The following SKAP1 variants were observed in gnomAD, a reference collection of about 807,000 sequenced individuals.
SKAP1 encodes src kinase associated phosphoprotein 1, also known as src kinase-associated phosphoprotein 1.
Under a neutral mutation model 58.5 loss-of-function variants are expected in SKAP1, and 44 were observed. The observed-to-expected ratio is 0.75, with a 90% CI of 0.59 to 0.97. The LOEUF (loss-of-function observed/expected upper bound fraction) is 0.97, where lower values mean the gene tolerates loss of function less well. Among genes scored for constraint, SKAP1 ranks in the 50% least tolerant of loss-of-function variants. The pLI is 0.00. For missense variants in SKAP1, 390 were observed against 435.2 expected (o/e 0.90, Z 0.92); for synonymous variants, 127 against 149.7 (o/e 0.85, Z 1.11).
intron 2 of SKAP1, among the ~76,000 whole-genome samples, chr17:48,389,286 G>A (rs1326865799): frequency 6.6e-6 from 1 of 152,160 alleles, no homozygotes; most frequent in East Asian, 1.9e-4. Flanking sequence ...TCTTTTATGA[G>A]CTGTTTGTTC....
chr17:48,340,137 G>A (rs2066630637), intron 4 of SKAP1, among the ~76,000 whole-genome samples: 1 of 152,090 alleles, frequency 6.6e-6, no homozygotes, highest in Non-Finnish European at 1.5e-5. Context: ...CTGAGGTCAT[G>A]CCACTGCACT....
chr17:48,158,004 C>G (rs1425725906), intron 11 of SKAP1, among the ~76,000 whole-genome samples: 8 of 150,880 alleles, frequency 5.3e-5, no homozygotes. Context: ...ATGGCAAAAC[C>G]TTGACTCTAA....
intron 1 of SKAP1, among the ~76,000 whole-genome samples, chr17:48,415,803 C>G (rs1007258075): frequency 5.9e-5 from 9 of 152,080 alleles, no homozygotes; most frequent in African/African-American, 2.2e-4. Context: ...CAGCCCTGCT[C>G]AATGGAGTCA....
the SKAP1 span, among the ~76,000 whole-genome samples, chr17:48,437,585 T>TA: frequency 2.0e-5 from 3 of 151,248 alleles, no homozygotes; most frequent in Admixed American, 6.6e-5. Context: ...TCTACAAAAA[T>TA]AAAAAAATTA....
At chr17:48,181,427 A>G (rs2064367748) in intron 8 of SKAP1, among the ~76,000 whole-genome samples, 2 of 152,186 alleles carry the variant, frequency 1.3e-5, no homozygotes, top group Admixed American at 1.3e-4. Flanking sequence ...CTCGCCATCA[A>G]TGTTCATGTT....
At chr17:48,299,568 GTA>G (rs2066031135) in intron 4 of SKAP1, among the ~76,000 whole-genome samples, 1 of 151,182 alleles carries the variant, frequency 6.6e-6, no homozygotes, top group Admixed American at 6.6e-5. Flanking sequence ...GAATATATAT[GTA>G]TGTGTGTGTG....
intron 2 of SKAP1, among the ~76,000 whole-genome samples, chr17:48,385,747 G>A (rs145373063): frequency 0.014 from 2,058 of 152,278 alleles, 21 homozygotes; most frequent in Non-Finnish European, 0.02. Flanking sequence ...AGGGTCCTGT[G>A]GGAGAACCAT....
At chr17:48,401,465 T>C (rs1374356986) in intron 1 of SKAP1, among the ~76,000 whole-genome samples, 1 of 152,020 alleles carries the variant, frequency 6.6e-6, no homozygotes. Context: ...AATCCAGAAA[T>C]AAACCCTCAC....
chr17:48,425,741 T>C (rs1265299957), intron 1 of SKAP1, among the ~76,000 whole-genome samples: 3 of 152,196 alleles, frequency 2.0e-5, no homozygotes, highest in Non-Finnish European at 4.4e-5. Context: ...CCAGAAGCAC[T>C]GGGAATGTAG....
At chr17:48,203,412 G>A (rs529698205) in intron 4 of SKAP1, among the ~76,000 whole-genome samples, 20 of 152,296 alleles carry the variant, frequency 1.3e-4, no homozygotes, top group African/African-American at 4.8e-4. Context: ...CATGCAGCTC[G>A]GTATTGCTGT....
intron 4 of SKAP1, among the ~76,000 whole-genome samples, chr17:48,236,192 C>T (rs868334832): frequency 6.6e-6 from 1 of 152,160 alleles, no homozygotes; most frequent in African/African-American, 2.4e-5. Flanking sequence ...ATTCAATAAA[C>T]ATACACTGAG....
At chr17:48,209,058 T>C (rs1365931015) in intron 4 of SKAP1, among the ~76,000 whole-genome samples, 1 of 152,134 alleles carries the variant, frequency 6.6e-6, no homozygotes, top group Non-Finnish European at 1.5e-5. Context: ...ATAAGAAAAA[T>C]GACCATTTTT....
At chr17:48,285,369 C>A (rs2065817285) in intron 4 of SKAP1, among the ~76,000 whole-genome samples, 1 of 152,156 alleles carries the variant, frequency 6.6e-6, no homozygotes, top group African/African-American at 2.4e-5. Context: ...GTAGTCCCAG[C>A]ACTTTGGGAG....
chr17:48,355,397 C>A (rs973304086), intron 3 of SKAP1, among the ~76,000 whole-genome samples: 3 of 152,166 alleles, frequency 2.0e-5, no homozygotes, highest in Non-Finnish European at 4.4e-5. Context: ...CCCACCCCAA[C>A]CTCCAAAGTA....
intron 4 of SKAP1, among the ~76,000 whole-genome samples, chr17:48,195,520 A>G (rs1289819589): frequency 6.6e-6 from 1 of 152,242 alleles, no homozygotes; most frequent in Non-Finnish European, 1.5e-5. Flanking sequence ...TAGATTTAGC[A>G]TCTAAAATTT....
At chr17:48,316,312 T>G (rs1282100847) in intron 4 of SKAP1, among the ~76,000 whole-genome samples, 1 of 152,198 alleles carries the variant, frequency 6.6e-6, no homozygotes, top group East Asian at 1.9e-4. Context: ...AGTTTCTTGA[T>G]TATTCCCTGA....
intron 2 of SKAP1, among the ~76,000 whole-genome samples, chr17:48,368,906 C>T (rs926519698): frequency 5.3e-5 from 8 of 152,248 alleles, no homozygotes; most frequent in African/African-American, 7.2e-5. Context: ...CTGTGGCTTG[C>T]GCCTGTAATC....
chr17:48,250,272 GTTTTTTTTTTTTTT>G (rs755523173), intron 4 of SKAP1, among the ~76,000 whole-genome samples: 2 of 74,036 alleles, frequency 2.7e-5, no homozygotes, highest in African/African-American at 1.1e-4. Context: ...GCCATAGACA[GTTTTTTTTTTTTTT>G]TTTTTTTTTT....
At chr17:48,444,538 C>T in the SKAP1 span, among the ~76,000 whole-genome samples, 1 of 152,328 alleles carries the variant, frequency 6.6e-6, no homozygotes, top group South Asian at 2.1e-4. Context: ...TGCATGCATT[C>T]ATAAGGTAAC....
Sources: allele counts gnomAD v4.1 joint callset (sites outside exome capture counted in the v4.1 genomes callset), GRCh38; gene constraint gnomAD v4.1.1; transcripts MANE v1.5; gene names NCBI Gene and HGNC (gene_info 2026-07-23, HGNC 2026-07-21).